The following GKAP1 variants were observed in gnomAD, a reference collection of about 807,000 sequenced individuals.
GKAP1 encodes G kinase anchoring protein 1.
GKAP1 carries 31 observed loss-of-function variants against 56.7 expected under a neutral mutation model. The ratio of observed to expected loss-of-function variants is 0.55; its 90% CI spans 0.41 to 0.74. The LOEUF (loss-of-function observed/expected upper bound fraction) is 0.74, where lower values mean the gene tolerates loss of function less well. Ranked by LOEUF, GKAP1 falls within the 30% of genes least tolerant of loss-of-function variation. The pLI is 0.00. For synonymous variants in GKAP1, 151 were observed against 138.6 expected (o/e 1.09, Z -0.63); for missense variants, 364 against 402.3 (o/e 0.90, Z 0.82).
At chr9:83,805,049 T>C (rs937655679) in intron 3 of GKAP1, among the ~76,000 whole-genome samples, 4 of 152,120 alleles carry the variant, frequency 2.6e-5, no homozygotes, top group African/African-American at 4.8e-5. Flanking sequence ...GGGGAAAAGA[T>C]TGAGAAATCG....
chr9:83,755,050 T>C (rs1357069471), intron 8 of GKAP1, among the ~76,000 whole-genome samples: 1 of 152,208 alleles, frequency 6.6e-6, no homozygotes, highest in African/African-American at 2.4e-5. Flanking sequence ...GTGAGGAAGA[T>C]GAACACTACA....
rs147358494 is a variant in GKAP1 at position 83,756,142 on chromosome 9, G to T, written c.739-2783C>A. Among the ~76,000 whole-genome samples the T allele has an allele frequency of 2.0e-4, 30 of 151,842 alleles. No homozygotes were observed. In the East Asian group the frequency reaches 3.9e-3, roughly 20 times the overall value. ...TAAAAAAATTTTTTTTTCTTAGTGTGATTAGAGGCAATTTACCTATAAACT... is the reference window on the plus strand; with the variant it reads ...TAAAAAAATTTTTTTTTCTTAGTGTTATTAGAGGCAATTTACCTATAAACT... On this transcript the variant is annotated intron_variant, in intron 8 of 12. Coordinates refer to ENST00000376371, the MANE Select transcript of GKAP1 (RefSeq NM_025211.4).
intron 8 of GKAP1, among the ~76,000 whole-genome samples, chr9:83,756,414 T>C (rs1943476152): frequency 7.5e-6 from 1 of 133,380 alleles, no homozygotes; most frequent in Admixed American, 9.3e-5. Context: ...AAGGTTGCAG[T>C]GAGCTGAGAT....
chr9:83,803,785 C>T (rs1172405539), intron 3 of GKAP1, among the ~76,000 whole-genome samples: 8 of 150,174 alleles, frequency 5.3e-5, no homozygotes, highest in Admixed American at 2.6e-4. Flanking sequence ...TCTGCCCGGC[C>T]GCCATCCCAT....
chr9:83,755,799 CTT>C (rs34145592), intron 8 of GKAP1, among the ~76,000 whole-genome samples: 136 of 124,408 alleles, frequency 1.1e-3, no homozygotes, highest in African/African-American at 4.0e-3. Flanking sequence ...CAAACTGGTA[CTT>C]TTTTTTTTTT....
At chr9:83,811,922 T>C (rs1405416126) in intron 2 of GKAP1, among the ~76,000 whole-genome samples, 1 of 151,854 alleles carries the variant, frequency 6.6e-6, no homozygotes, top group African/African-American at 2.4e-5. Context: ...CATCATCTAC[T>C]GCAACAGCCT....
intron 7 of GKAP1, among the ~76,000 whole-genome samples, chr9:83,779,426 C>CAT (rs141709042): frequency 0.022 from 2,011 of 92,936 alleles, 93 homozygotes; most frequent in African/African-American, 0.056. Flanking sequence ...GGTCAGAAGC[C>CAT]ATATATATAT....
chr9:83,793,386 T>C (rs544795015), intron 4 of GKAP1, among the ~76,000 whole-genome samples: 5 of 152,252 alleles, frequency 3.3e-5, no homozygotes, highest in Non-Finnish European at 7.3e-5. Context: ...TATCTTTCAG[T>C]AATTTGGAAG....
intron 5 of GKAP1, among the ~76,000 whole-genome samples, chr9:83,788,115 T>TA (rs1222022304): frequency 2.6e-5 from 4 of 151,904 alleles, no homozygotes; most frequent in East Asian, 1.9e-4. Flanking sequence ...CCATCTCTAC[T>TA]AAAAAAACAA....
intron 6 of GKAP1, among the ~76,000 whole-genome samples, chr9:83,783,781 A>G (rs564521025): frequency 6.6e-6 from 1 of 152,348 alleles, no homozygotes; most frequent in African/African-American, 2.4e-5. Context: ...ATGTTTCAAG[A>G]TGACTCAAAC....
In GKAP1 at chr9:83,795,588, C is replaced by CTTTTTTTTTTTTTTTTTTTTTTTTTTTT. The variant is rs58291258; in HGVS notation, c.360+3596_360+3597insAAAAAAAAAAAAAAAAAAAAAAAAAAAA. ...CAGTTATGGTTATGTCTGAGAGTGT[C>CTTTTTTTTTTTTTTTTTTTTTTTTTTTT]TTTTTTTTTTTTTTTTTTTTTGAGA... On this transcript the variant is annotated intron_variant, in intron 4 of 12. Transcript: ENST00000376371. 3.7e-5 allele frequency among the ~76,000 whole-genome samples: 4 copies of CTTTTTTTTTTTTTTTTTTTTTTTTTTTT among 109,052 alleles called. 1 individual carries two copies. Among genetic ancestry groups the CTTTTTTTTTTTTTTTTTTTTTTTTTTTT allele is most frequent in the Non-Finnish European group, 1.8e-5 (1 of 56,912 alleles). The allele number at this position is 109,052 out of a possible 152,430, so 71.5% of individuals were successfully genotyped here. A position where few individuals can be genotyped will look rare whatever the true frequency, so the allele number is the denominator to read the frequency against.
At chr9:83,775,366 T>C (rs1455271728) in intron 7 of GKAP1, among the ~76,000 whole-genome samples, 2 of 152,160 alleles carry the variant, frequency 1.3e-5, no homozygotes, top group East Asian at 3.9e-4. Context: ...CTCCAACGAG[T>C]CCTGGTTCCT....
At chr9:83,817,301 G>A (rs1587752577) in intron 1 of GKAP1, 174 bp from the exon 2 acceptor site, 1 of 151,966 alleles carries the variant, frequency 6.6e-6, no homozygotes, top group East Asian at 2.0e-4. Flanking sequence ...TCGGGTGCGA[G>A]TCCCTCCCCG....
intron 7 of GKAP1, among the ~76,000 whole-genome samples, chr9:83,774,872 A>G (rs542129995): frequency 2.1e-4 from 31 of 150,374 alleles, no homozygotes; most frequent in Non-Finnish European, 3.7e-4. Context: ...CCACACCCAG[A>G]TAAGTTTTGT....
At chr9:83,797,725 A>T (rs1476883164) in intron 4 of GKAP1, among the ~76,000 whole-genome samples, 1 of 152,232 alleles carries the variant, frequency 6.6e-6, no homozygotes, top group Non-Finnish European at 1.5e-5. Flanking sequence ...CAGTGGGAGC[A>T]GAAGAAAAGG....
At chr9:83,804,879 G>C (rs1173721401) in intron 3 of GKAP1, among the ~76,000 whole-genome samples, 4 of 149,522 alleles carry the variant, frequency 2.7e-5, no homozygotes, top group Non-Finnish European at 5.9e-5. Flanking sequence ...CAGCCGCCCC[G>C]TCCGGGAGGT....
In GKAP1 at chr9:83,817,638, G is replaced by C. The variant is rs2131339520; in HGVS notation, c.-297C>G. 1.3e-5 allele frequency: 2 copies of C among 151,314 alleles called. No individual in the cohort carries two copies. The highest frequency in any genetic ancestry group is 4.2e-4 in the South Asian group (2 of 4,816). 9.4% of individuals were successfully genotyped at this position (151,314 alleles called of 1,614,324 possible). On this transcript the variant is annotated 5_prime_UTR_variant, in exon 1 of 13. Coordinates refer to ENST00000376371, the MANE Select transcript of GKAP1 (RefSeq NM_025211.4). ...CTGGTCTGGGTCAAGTGTCGGCAGA[G>C]CTGGGGGCAGGCTCGCGCCGGGCGG...
In GKAP1 at chr9:83,784,754, TGTC is replaced by T. The variant is rs748106116; in HGVS notation, c.520_522del (p.Asp174del). The T allele has an allele frequency of 1.2e-6, 2 of 1,604,304 alleles. No homozygotes were observed. The highest frequency in any genetic ancestry group is 2.7e-5 in the African/African-American group (2 of 74,600). ...TCTTTTAGTGATACTGTGAGAGGTC[TGTC>T]TTTTCCCTGATGATTCTTTCTTTTA... On this transcript the variant is annotated inframe_deletion, in exon 6 of 13. Transcript: ENST00000376371.
intron 9 of GKAP1, 95 bp downstream of exon 9, chr9:83,753,163 T>C (rs998549102): frequency 1.5e-6 from 1 of 686,698 alleles, no homozygotes; most frequent in Non-Finnish European, 2.5e-6. Flanking sequence ...ACTATTCCCA[T>C]GAATTGCATA....
Sources: allele counts gnomAD v4.1 joint callset (sites outside exome capture counted in the v4.1 genomes callset), GRCh38; gene constraint gnomAD v4.1.1; transcripts MANE v1.5; gene names NCBI Gene and HGNC (gene_info 2026-07-23, HGNC 2026-07-21).